Variants in CAMK4 observed in about 807,000 individuals in gnomAD.
The protein encoded by CAMK4 is calcium/calmodulin dependent protein kinase IV.
CAMK4 carries 22 observed loss-of-function variants against 44.9 expected under a neutral mutation model. The ratio of observed to expected loss-of-function variants is 0.49; its 90% CI spans 0.35 to 0.70. CAMK4 has a LOEUF of 0.70. CAMK4 is among the 30% of genes least tolerant of loss of function. The probability of loss-of-function intolerance (pLI) is 0.01; values close to 1 mark genes in which losing one functional copy is unlikely to be tolerated. For missense variants in CAMK4, 498 were observed against 586.8 expected (o/e 0.85, Z 1.56); for synonymous variants, 218 against 215.4 (o/e 1.01, Z -0.11).
At chr5:111,226,219 A>G (rs1748185787) in intron 1 of CAMK4, among the ~76,000 whole-genome samples, 1 of 152,238 alleles carries the variant, frequency 6.6e-6, no homozygotes, top group South Asian at 2.1e-4. Context: ...GTCTTTATGA[A>G]TAAGCTTCAT....
intron 1 of CAMK4, among the ~76,000 whole-genome samples, chr5:111,244,386 A>G (rs181585947): frequency 3.3e-5 from 5 of 152,294 alleles, no homozygotes. Flanking sequence ...ACCTTGTAAA[A>G]AATCTTTGTC....
chr5:111,412,339 C>CA (rs1275722498), intron 5 of CAMK4, among the ~76,000 whole-genome samples: 1 of 151,956 alleles, frequency 6.6e-6, no homozygotes, highest in Non-Finnish European at 1.5e-5. Context: ...CTTTTTCATG[C>CA]AAAAATAAAA....
chr5:111,238,883 G>C (rs1748864250), intron 1 of CAMK4, among the ~76,000 whole-genome samples: 1 of 129,890 alleles, frequency 7.7e-6, no homozygotes, highest in Admixed American at 8.9e-5. Flanking sequence ...CCAGACCCTA[G>C]ACTGGGACAA....
At chr5:111,271,329 T>C (rs1411905432) in intron 1 of CAMK4, among the ~76,000 whole-genome samples, 5 of 152,270 alleles carry the variant, frequency 3.3e-5, no homozygotes, top group African/African-American at 1.2e-4. Flanking sequence ...TCTTCAACAT[T>C]AAGATAAAGG....
At chr5:111,441,979 G>A (rs1200306471) in intron 5 of CAMK4, among the ~76,000 whole-genome samples, 5 of 152,150 alleles carry the variant, frequency 3.3e-5, no homozygotes. Flanking sequence ...GTGAAGTAAT[G>A]AGATTAGTGT....
At chr5:111,354,706 T>G (rs1015687094) in intron 2 of CAMK4, among the ~76,000 whole-genome samples, 2 of 151,930 alleles carry the variant, frequency 1.3e-5, no homozygotes, top group African/African-American at 4.8e-5. Flanking sequence ...CAAAAATAAA[T>G]AAGTAAATAA....
intron 4 of CAMK4, among the ~76,000 whole-genome samples, chr5:111,383,791 A>G (rs12657908): frequency 0.36 from 55,317 of 151,984 alleles, 11,053 homozygotes; most frequent in South Asian, 0.5. Context: ...AATGTCATCA[A>G]CTGGAGAATG....
intron 1 of CAMK4, among the ~76,000 whole-genome samples, chr5:111,343,317 A>C (rs2112751266): frequency 6.6e-6 from 1 of 151,798 alleles, no homozygotes; most frequent in Middle Eastern, 3.4e-3. Context: ...ACTGATCTTA[A>C]GCTGTTTCTA....
chr5:111,318,013 G>A (rs1580580580), intron 1 of CAMK4, among the ~76,000 whole-genome samples: 1 of 150,318 alleles, frequency 6.7e-6, no homozygotes, highest in Non-Finnish European at 1.5e-5. Context: ...TACTACATGC[G>A]AAGAGAATGG....
intron 2 of CAMK4, among the ~76,000 whole-genome samples, chr5:111,353,740 A>G (rs77297287): frequency 6.7e-6 from 1 of 148,486 alleles, no homozygotes; most frequent in Non-Finnish European, 1.5e-5. Context: ...TAAGAAAACA[A>G]TCTCTTTTAT....
rs942142806 is a variant in CAMK4 at position 111,371,828 on chromosome 5, C to G, written c.241-3022C>G. ...TTCCAACCATTCATATTGGCTACAG[C>G]CATCATTTTCTTAGGCTTCTTTACT... On this transcript the variant is annotated intron_variant, in intron 2 of 10. Coordinates refer to ENST00000282356, the MANE Select transcript of CAMK4 (RefSeq NM_001744.6). Among the ~76,000 whole-genome samples the G allele has an allele frequency of 3.3e-5, 5 of 152,154 alleles. No homozygotes were observed. In the East Asian group the frequency reaches 9.6e-4, roughly 29 times the overall value.
intron 2 of CAMK4, among the ~76,000 whole-genome samples, chr5:111,365,861 C>T (rs1360118485): frequency 6.6e-6 from 1 of 152,014 alleles, no homozygotes; most frequent in African/African-American, 2.4e-5. Context: ...TGTAGGAAAA[C>T]CTCGATATTT....
intron 8 of CAMK4, among the ~76,000 whole-genome samples, chr5:111,477,211 G>A (rs1755277349): frequency 6.6e-6 from 1 of 152,154 alleles, no homozygotes; most frequent in Admixed American, 6.5e-5. Flanking sequence ...GAACACATTG[G>A]CCCAGGGGTC....
intron 6 of CAMK4, among the ~76,000 whole-genome samples, chr5:111,447,119 CT>C (rs1754057658): frequency 6.6e-6 from 1 of 152,274 alleles, no homozygotes; most frequent in South Asian, 2.1e-4. Flanking sequence ...GAGATATTAA[CT>C]TTTATTCCAC....
chr5:111,354,597 T>C (rs1750252216), intron 2 of CAMK4, among the ~76,000 whole-genome samples: 1 of 124,210 alleles, frequency 8.1e-6, no homozygotes, highest in Non-Finnish European at 1.7e-5. Context: ...GAAAAATAGC[T>C]ACTTGGGAGG....
At position 111,285,260 on chromosome 5, in the gene CAMK4, T is replaced by C. The variant is rs186387283; in HGVS notation, c.162-58764T>C. 4.5e-4 allele frequency among the ~76,000 whole-genome samples: 68 copies of C among 152,316 alleles called. 1 individual carries two copies. The East Asian group carries it at 7.1e-3, about 16-fold the overall frequency. On this transcript the variant is annotated intron_variant, in intron 1 of 10. Transcript: ENST00000282356. ...TGATTTGGGAAATGAACTATACACA[T>C]ACACACACATCTGAGATATTCATGT...
chr5:111,335,190 AT>A (rs1327490324), intron 1 of CAMK4, among the ~76,000 whole-genome samples: 3 of 151,628 alleles, frequency 2.0e-5, no homozygotes, highest in South Asian at 2.1e-4. Flanking sequence ...CTTCCCTCAA[AT>A]AATCACAAAC....
chr5:111,301,408 C>T (rs1747714155), intron 1 of CAMK4, among the ~76,000 whole-genome samples: 3 of 152,174 alleles, frequency 2.0e-5, no homozygotes, highest in Admixed American at 6.5e-5. Context: ...TGACTTGCTC[C>T]TACATGGATG....
At chr5:111,449,283 T>C in intron 7 of CAMK4, 80 bp downstream of exon 7, 1 of 630,594 alleles carries the variant, frequency 1.6e-6, no homozygotes. Context: ...TTTTAAAAAT[T>C]CCTAATATTT....
Sources: gnomAD v4.1 joint callset for allele counts (sites outside exome capture counted in the v4.1 genomes callset) on GRCh38, gnomAD v4.1.1 for gene constraint, MANE v1.5 for transcripts, NCBI Gene and HGNC (gene_info 2026-07-23, HGNC 2026-07-21) for gene names.